Variants in ZNF569 observed in about 807,000 individuals in gnomAD.
ZNF569 encodes the protein zinc finger protein 569.
A neutral mutation model predicts 56.3 loss-of-function variants in ZNF569; 38 were observed. The ratio of observed to expected loss-of-function variants is 0.68; its 90% CI spans 0.52 to 0.88. The LOEUF (loss-of-function observed/expected upper bound fraction) is 0.88. Ranked by LOEUF, ZNF569 falls within the 40% of genes least tolerant of loss-of-function variation. ZNF569 has a pLI of 0.00. For synonymous variants in ZNF569, 241 were observed against 262.9 expected (o/e 0.92, Z 0.81); for missense variants, 666 against 809.2 (o/e 0.82, Z 2.15).
At chr19:37,457,175 A>C (rs1464275334) in intron 2 of ZNF569, among the ~76,000 whole-genome samples, 1 of 152,180 alleles carries the variant, frequency 6.6e-6, no homozygotes, top group Non-Finnish European at 1.5e-5. Context: ...CCTCCTACAT[A>C]AACACAATGC....
At chr19:37,426,143 G>A in intron 4 of ZNF569, 109 bp downstream of exon 4, 2 of 1,399,584 alleles carry the variant, frequency 1.4e-6, no homozygotes, top group Non-Finnish European at 1.9e-6. Context: ...AGCATCCCAA[G>A]GCCAAGCTCA....
At chr19:37,422,862 C>A (rs2041061402) in intron 5 of ZNF569, among the ~76,000 whole-genome samples, 5 of 151,742 alleles carry the variant, frequency 3.3e-5, no homozygotes. Context: ...CATTCTGATG[C>A]ATCACTGGGT....
chr19:37,452,991 C>CT (rs2041619114), intron 2 of ZNF569, among the ~76,000 whole-genome samples: 2 of 152,092 alleles, frequency 1.3e-5, no homozygotes, highest in South Asian at 4.1e-4. Context: ...CTTCTTCACT[C>CT]TTTTTCATTA....
chr19:37,417,336 C>T (rs1442393256), intron 5 of ZNF569, among the ~76,000 whole-genome samples: 2 of 152,176 alleles, frequency 1.3e-5, no homozygotes, highest in South Asian at 2.1e-4. Flanking sequence ...TCTAGGCTCA[C>T]TGCAACCTTC....
At chr19:37,461,418 T>C (rs1350726510) in intron 2 of ZNF569, among the ~76,000 whole-genome samples, 2 of 151,888 alleles carry the variant, frequency 1.3e-5, no homozygotes, top group African/African-American at 4.8e-5. Context: ...GCGATTCTCC[T>C]GCCTCAGGCT....
In ZNF569 at chr19:37,446,567, A is replaced by AAAAG. The variant is rs1555839149; in HGVS notation, c.-43-1604_-43-1603insCTTT. Among the ~76,000 whole-genome samples, 418 of 141,008 alleles carry AAAAG rather than the reference A, an allele frequency of 3.0e-3. 11 individuals carry two copies. The highest frequency in any genetic ancestry group is 0.014 in the South Asian group (61 of 4,506). 92.5% of individuals were successfully genotyped at this position (141,008 alleles called of 152,430 possible). A position where few individuals can be genotyped will look rare whatever the true frequency, so the allele number is the denominator to read the frequency against. On this transcript the variant is annotated intron_variant, in intron 2 of 5. Coordinates refer to ENST00000316950, the MANE Select transcript of ZNF569 (RefSeq NM_152484.3). ...TCCATCTCAAAAAAAAAAAAAAAAA[A>AAAAG]AAGAATGAAACTGGATCCTTATCTC...
At chr19:37,449,737 T>A (rs966083812) in intron 2 of ZNF569, among the ~76,000 whole-genome samples, 17 of 152,084 alleles carry the variant, frequency 1.1e-4, no homozygotes, top group Non-Finnish European at 2.4e-4. Flanking sequence ...AATGGGTATC[T>A]TAGGCTACTC....
At position 37,413,231 on chromosome 19, in the gene ZNF569, C is replaced by T. The variant is rs1205895721; in HGVS notation, c.1427G>A (p.Ser476Asn). 1.9e-6 allele frequency: 3 copies of T among 1,610,572 alleles called. No homozygotes were observed. The highest frequency in any genetic ancestry group is 2.5e-6 in the Non-Finnish European group (3 of 1,179,006). Residue 476 changes from serine to asparagine, a missense_variant, in exon 6 of 6, where the codon AGC (serine) becomes AAC (asparagine). Physicochemically the swap from Ser to Asn is conservative, Grantham distance 46 (BLOSUM62 1). Transcript: ENST00000316950. The stretch of plus-strand genomic sequence containing the variant: ...ATGAGCAATGAGATTTGATTTCTGG[C>T]TAAAGGCTTTCCCACATTCCTTACA... The part of the protein sequence containing the change: ...YICKECGKAF[S>N]QKSNLIAHEK...
At chr19:37,419,595 G>T (rs1437620362) in intron 5 of ZNF569, among the ~76,000 whole-genome samples, 1 of 151,960 alleles carries the variant, frequency 6.6e-6, no homozygotes, top group Non-Finnish European at 1.5e-5. Context: ...GTGGTGGCAG[G>T]CGCCTGTAAT....
At chr19:37,415,054 A>G (rs779696188) in intron 5 of ZNF569, among the ~76,000 whole-genome samples, 4 of 152,144 alleles carry the variant, frequency 2.6e-5, no homozygotes, top group Admixed American at 1.3e-4. Flanking sequence ...TATGAAACAT[A>G]TATTAATACC....
chr19:37,428,864 G>T (rs909010519), intron 3 of ZNF569, among the ~76,000 whole-genome samples: 1 of 151,714 alleles, frequency 6.6e-6, no homozygotes, highest in Admixed American at 6.6e-5. Context: ...CAGTAGAGAC[G>T]GTGTTCCCAT....
At chr19:37,443,705 T>C (rs2041446243) in intron 3 of ZNF569, among the ~76,000 whole-genome samples, 6 of 151,908 alleles carry the variant, frequency 3.9e-5, no homozygotes, top group Admixed American at 3.9e-4. Flanking sequence ...ATAGTCTAGT[T>C]TTCTCTCTTT....
chr19:37,455,509 A>C (rs2041658095), intron 2 of ZNF569, among the ~76,000 whole-genome samples: 1 of 152,122 alleles, frequency 6.6e-6, no homozygotes, highest in African/African-American at 2.4e-5. Context: ...ATATCTACAT[A>C]ATAATATATA....
chr19:37,448,814 C>T (rs1358299058), intron 2 of ZNF569, among the ~76,000 whole-genome samples: 1 of 152,018 alleles, frequency 6.6e-6, no homozygotes, highest in African/African-American at 2.4e-5. Flanking sequence ...CCACCCACCT[C>T]AGCCTCCCAA....
intron 3 of ZNF569, among the ~76,000 whole-genome samples, chr19:37,431,949 T>C (rs1279567503): frequency 1.3e-5 from 2 of 151,986 alleles, no homozygotes; most frequent in African/African-American, 2.4e-5. Context: ...CCTCTGCCTG[T>C]GGAAAGGGGA....
chr19:37,426,019 C>T (rs1285487877), intron 4 of ZNF569, 56 bp from the exon 5 acceptor site: 2 of 1,574,194 alleles, frequency 1.3e-6, no homozygotes, highest in Admixed American at 1.7e-5. Flanking sequence ...AAAGAACCAC[C>T]CAAAAATTGA....
At chr19:37,467,908 C>A (rs1471503398), upstream of ZNF569, 4 of 1,535,952 alleles carry the variant, frequency 2.6e-6, no homozygotes, top group Non-Finnish European at 3.5e-6. Flanking sequence ...TGTATTTGTT[C>A]TTTCTGGACT....
intron 3 of ZNF569, among the ~76,000 whole-genome samples, chr19:37,428,279 G>A (rs1372526825): frequency 5.3e-5 from 8 of 152,092 alleles, no homozygotes; most frequent in Non-Finnish European, 1.2e-4. Flanking sequence ...AGCCGAGGTG[G>A]GAGAACTGCT....
intron 3 of ZNF569, among the ~76,000 whole-genome samples, chr19:37,432,945 C>A (rs7508255): frequency 0.035 from 4,767 of 138,018 alleles, 94 homozygotes; most frequent in Middle Eastern, 0.091. Context: ...TCTCTGTAAT[C>A]CAGGCTGGAA....
Sources: allele counts gnomAD v4.1 joint callset (sites outside exome capture counted in the v4.1 genomes callset), GRCh38; gene constraint gnomAD v4.1.1; transcripts MANE v1.5; gene names NCBI Gene and HGNC (gene_info 2026-07-23, HGNC 2026-07-21).